LINGO2: variants seen among roughly 807,000 people sequenced by gnomAD.
The protein encoded by LINGO2 is leucine rich repeat and Ig domain containing 2.
LINGO2 carries 14 observed loss-of-function variants against 30.6 expected under a neutral mutation model. That is an observed-to-expected ratio of 0.46 (90% CI 0.30 to 0.72). The LOEUF is 0.72. Among genes scored for constraint, LINGO2 ranks in the 30% least tolerant of loss-of-function variants. The probability of loss-of-function intolerance (pLI) is 0.07; values close to 1 mark genes in which losing one functional copy is unlikely to be tolerated. For missense variants in LINGO2, 729 were observed against 751.7 expected (o/e 0.97, Z 0.35); for synonymous variants, 317 against 288.5 (o/e 1.10, Z -1.00).
the LINGO2 span, among the ~76,000 whole-genome samples, chr9:28,999,989 C>T: frequency 6.6e-6 from 1 of 151,942 alleles, no homozygotes; most frequent in African/African-American, 2.4e-5. Flanking sequence ...AAATTCTTCC[C>T]TAACTTCCTG....
At chr9:29,000,288 A>G in the LINGO2 span, among the ~76,000 whole-genome samples, 3 of 151,874 alleles carry the variant, frequency 2.0e-5, no homozygotes, top group Non-Finnish European at 2.9e-5. Flanking sequence ...TCATTTTGTG[A>G]GAATATTTTT....
At chr9:28,763,703 G>A in the LINGO2 span, among the ~76,000 whole-genome samples, 41 of 151,448 alleles carry the variant, frequency 2.7e-4, no homozygotes, top group Non-Finnish European at 5.6e-4. Flanking sequence ...AAATTAAATA[G>A]AGAATCTATA....
chr9:28,560,026 C>T (rs928964347), intron 1 of LINGO2, among the ~76,000 whole-genome samples: 2 of 150,850 alleles, frequency 1.3e-5, no homozygotes, highest in Non-Finnish European at 2.9e-5. Flanking sequence ...CTACTCAAAG[C>T]TGCCTTTGGT....
At position 28,605,668 on chromosome 9, in the gene LINGO2, G is replaced by A. The variant is rs796255823; in HGVS notation, c.-365+64532C>T. On this transcript the variant is annotated intron_variant, in intron 1 of 5. Transcript: ENST00000379992. The stretch of plus-strand genomic sequence containing the variant: ...TTAAGCTTCTTCTTCTTCCTCACAA[G>A]CTGTCTTCTCATTACACAGAATGGA... 6.1e-4 allele frequency among the ~76,000 whole-genome samples: 93 copies of A among 152,108 alleles called. 1 individual carries two copies. Among genetic ancestry groups the A allele is most frequent in the African/African-American group, 2.1e-3 (89 of 41,514 alleles).
chr9:28,026,382 C>T (rs1823376669), intron 4 of LINGO2, among the ~76,000 whole-genome samples: 1 of 152,150 alleles, frequency 6.6e-6, no homozygotes, highest in African/African-American at 2.4e-5. Flanking sequence ...ACAGTTTGAA[C>T]ATCAGAATCA....
intron 1 of LINGO2, among the ~76,000 whole-genome samples, chr9:28,667,999 C>T (rs536159330): frequency 6.6e-6 from 1 of 152,212 alleles, no homozygotes; most frequent in South Asian, 2.1e-4. Context: ...ACCTATGACT[C>T]TTTGGACAAC....
At chr9:28,884,931 TTATATATAA>T in the LINGO2 span, among the ~76,000 whole-genome samples, 589 of 12,056 alleles carry the variant, frequency 0.049, 64 homozygotes, top group African/African-American at 0.15. Flanking sequence ...ATATATAATA[TTATATATAA>T]TATATATAAT....
At chr9:29,007,928 T>C in the LINGO2 span, among the ~76,000 whole-genome samples, 1 of 152,120 alleles carries the variant, frequency 6.6e-6, no homozygotes, top group Non-Finnish European at 1.5e-5. Context: ...TTGTTTTTTA[T>C]TTCTTTTTTA....
intron 2 of LINGO2, among the ~76,000 whole-genome samples, chr9:28,403,847 A>G (rs1587621812): frequency 6.6e-6 from 1 of 152,120 alleles, no homozygotes; most frequent in Non-Finnish European, 1.5e-5. Flanking sequence ...CACTTGCTAC[A>G]GTTATTTGCA....
chr9:28,946,674 G>A, the LINGO2 span, among the ~76,000 whole-genome samples: 1 of 152,072 alleles, frequency 6.6e-6, no homozygotes, highest in African/African-American at 2.4e-5. Flanking sequence ...ATCTCACACT[G>A]AGAGTTGGCT....
At chr9:28,447,420 G>A (rs1482317523) in intron 2 of LINGO2, among the ~76,000 whole-genome samples, 1 of 152,172 alleles carries the variant, frequency 6.6e-6, no homozygotes, top group Non-Finnish European at 1.5e-5. Context: ...GCCATCACCA[G>A]ACATGGAATT....
At chr9:28,461,127 C>T (rs1231275250) in intron 2 of LINGO2, among the ~76,000 whole-genome samples, 1 of 151,958 alleles carries the variant, frequency 6.6e-6, no homozygotes, top group Non-Finnish European at 1.5e-5. Flanking sequence ...ATTTGATTCA[C>T]TTTTATAACA....
intron 1 of LINGO2, among the ~76,000 whole-genome samples, chr9:28,561,361 G>A (rs1438053389): frequency 6.6e-6 from 1 of 151,716 alleles, no homozygotes; most frequent in African/African-American, 2.4e-5. Flanking sequence ...ACGAACCTGA[G>A]TATCATAGGG....
intron 1 of LINGO2, among the ~76,000 whole-genome samples, chr9:28,545,961 A>G (rs1261444081): frequency 6.6e-6 from 1 of 152,088 alleles, no homozygotes; most frequent in Non-Finnish European, 1.5e-5. Context: ...TCTGTAGAAA[A>G]TACTCACTTT....
At chr9:28,608,295 A>G (rs994549650) in intron 1 of LINGO2, among the ~76,000 whole-genome samples, 1 of 151,956 alleles carries the variant, frequency 6.6e-6, no homozygotes, top group Admixed American at 6.6e-5. Context: ...ATAATAATGA[A>G]TCTTTTATTA....
At chr9:28,704,692 G>C in the LINGO2 span, among the ~76,000 whole-genome samples, 1 of 152,052 alleles carries the variant, frequency 6.6e-6, no homozygotes, top group African/African-American at 2.4e-5. Context: ...CTACTAGTGA[G>C]TGAATCAAAT....
chr9:28,097,447 A>G lies in LINGO2; in HGVS notation c.-86-85042T>C, dbSNP rs1826277970. On this transcript the variant is annotated intron_variant, in intron 4 of 5. Transcript: ENST00000379992. ...CTTGGAACCAACCCAAATGTCCAAC[A>G]ATGATAGACTGGATTAAGAAAATGT... Among the ~76,000 whole-genome samples, 3 of 146,614 alleles carry G rather than the reference A, an allele frequency of 2.0e-5. No homozygotes were observed. In the Admixed American group the frequency reaches 2.1e-4, roughly 10 times the overall value.
chr9:28,108,783 A>G (rs1826675315), intron 4 of LINGO2, among the ~76,000 whole-genome samples: 1 of 152,126 alleles, frequency 6.6e-6, no homozygotes, highest in Non-Finnish European at 1.5e-5. Flanking sequence ...CTTCTATTTA[A>G]TACATCTACC....
chr9:28,981,901 G>T, the LINGO2 span, among the ~76,000 whole-genome samples: 2 of 152,016 alleles, frequency 1.3e-5, no homozygotes, highest in African/African-American at 2.4e-5. Context: ...AAGAAAATTG[G>T]AATGAAATTT....
Sources: gnomAD v4.1 joint callset for allele counts (sites outside exome capture counted in the v4.1 genomes callset) on GRCh38, gnomAD v4.1.1 for gene constraint, MANE v1.5 for transcripts, NCBI Gene and HGNC (gene_info 2026-07-23, HGNC 2026-07-21) for gene names.